SPAST: variants seen among roughly 807,000 people sequenced by gnomAD.
The protein encoded by SPAST is spastin, also known as spastic paraplegia 4 (autosomal dominant; spastin).
In SPAST, 30 loss-of-function variants were observed where a neutral mutation model predicts 76.6. That is an observed-to-expected ratio of 0.39 (90% confidence interval 0.29 to 0.53). SPAST has a LOEUF of 0.53. Among genes scored for constraint, SPAST ranks in the 20% least tolerant of loss-of-function variants. The pLI is 0.68. For missense variants in SPAST, 717 were observed against 770.5 expected (o/e 0.93, Z 0.82); for synonymous variants, 305 against 281.0 (o/e 1.09, Z -0.86).
At chr2:32,074,867 A>G (rs1676890013) in intron 1 of SPAST, among the ~76,000 whole-genome samples, 1 of 152,094 alleles carries the variant, frequency 6.6e-6, no homozygotes, top group South Asian at 2.1e-4. Flanking sequence ...TCTTATGGAA[A>G]TTGACATTTA....
rs548919210 is a variant in SPAST, at chr2:32,133,422, C to A, written c.1246-3141C>A. Among the ~76,000 whole-genome samples, 27 of 152,254 alleles carry A rather than the reference C, an allele frequency of 1.8e-4. No individual in the cohort carries two copies. In the East Asian group the frequency reaches 4.8e-3, roughly 27 times the overall value. On this transcript the variant is annotated intron_variant, in intron 9 of 16. Coordinates refer to ENST00000315285, the MANE Select transcript of SPAST (RefSeq NM_014946.4). ...CCATCTTTATCCACTCACTCCTCTC[C>A]CTCAAAACCACTAGACTACTAACAT... is the stretch of plus-strand genomic sequence containing the variant.
At chr2:32,134,043 G>C in intron 9 of SPAST, among the ~76,000 whole-genome samples, 1 of 151,954 alleles carries the variant, frequency 6.6e-6, no homozygotes, top group East Asian at 1.9e-4. Flanking sequence ...TTTATTTATT[G>C]ATTTATTTTT....
chr2:32,094,406 C>G (rs985364877), intron 3 of SPAST, among the ~76,000 whole-genome samples: 1 of 152,010 alleles, frequency 6.6e-6, no homozygotes, highest in African/African-American at 2.4e-5. Context: ...ATGGTCTCCT[C>G]TTTGAGAAGT....
At chr2:32,139,698 G>A (rs1425155010) in intron 12 of SPAST, among the ~76,000 whole-genome samples, 1 of 151,914 alleles carries the variant, frequency 6.6e-6, no homozygotes, top group African/African-American at 2.4e-5. Context: ...GCGTGGTGGT[G>A]GGCGCCTGTA....
intron 9 of SPAST, among the ~76,000 whole-genome samples, chr2:32,131,945 C>A (rs1375670470): frequency 6.6e-6 from 1 of 151,992 alleles, no homozygotes; most frequent in Non-Finnish European, 1.5e-5. Context: ...AGGCGTAAGC[C>A]ACCACACCCG....
At chr2:32,149,158 T>G (rs1679991986) in intron 16 of SPAST, among the ~76,000 whole-genome samples, 1 of 151,760 alleles carries the variant, frequency 6.6e-6, no homozygotes, top group Non-Finnish European at 1.5e-5. Flanking sequence ...GGCACCATCT[T>G]GGCTCACTGC....
chr2:32,136,778 G>T, intron 10 of SPAST, 99 bp from the exon 11 acceptor site: 1 of 1,204,038 alleles, frequency 8.3e-7, no homozygotes, highest in Non-Finnish European at 1.2e-6. Context: ...AATGAATTTA[G>T]TAGGACCCAC....
At chr2:32,087,953 G>A (rs1051335510) in intron 2 of SPAST, among the ~76,000 whole-genome samples, 39 of 151,144 alleles carry the variant, frequency 2.6e-4, no homozygotes, top group African/African-American at 6.1e-4. Context: ...GTGCAATCTC[G>A]GCTCACTGCA....
intron 3 of SPAST, among the ~76,000 whole-genome samples, chr2:32,094,824 G>A (rs1398336332): frequency 6.6e-6 from 1 of 152,148 alleles, no homozygotes; most frequent in Admixed American, 6.6e-5. Context: ...AGAAAAATTA[G>A]CTGCGTGTGG....
At chr2:32,138,395 A>G (rs1328540703) in intron 12 of SPAST, among the ~76,000 whole-genome samples, 1 of 152,034 alleles carries the variant, frequency 6.6e-6, no homozygotes, top group Non-Finnish European at 1.5e-5. Context: ...CTGGTGTGAG[A>G]TATCTCATTG....
chr2:32,066,281 T>G (rs1211815739), intron 1 of SPAST, among the ~76,000 whole-genome samples: 1 of 152,058 alleles, frequency 6.6e-6, no homozygotes, highest in Non-Finnish European at 1.5e-5. Flanking sequence ...CCCAGCAAGC[T>G]CCATTCTTTA....
intron 12 of SPAST, among the ~76,000 whole-genome samples, chr2:32,138,877 T>C (rs1462060566): frequency 6.6e-6 from 1 of 152,208 alleles, no homozygotes; most frequent in South Asian, 2.1e-4. Context: ...TTTCTACATA[T>C]GGCTAGCCAG....
intron 4 of SPAST, among the ~76,000 whole-genome samples, chr2:32,111,246 CTATATAGTG>C (rs1678581649): frequency 9.2e-6 from 1 of 108,470 alleles, no homozygotes; most frequent in Non-Finnish European, 1.9e-5. Context: ...ATACAGTATA[CTATATAGTG>C]TGTATAGCGT....
chr2:32,065,703 G>A (rs938403709), intron 1 of SPAST, among the ~76,000 whole-genome samples: 1 of 152,140 alleles, frequency 6.6e-6, no homozygotes, highest in Non-Finnish European at 1.5e-5. Context: ...CACTTGCATT[G>A]TCCATTAGTG....
At chr2:32,088,036 T>A (rs1005230274) in intron 2 of SPAST, among the ~76,000 whole-genome samples, 2 of 152,086 alleles carry the variant, frequency 1.3e-5, no homozygotes, top group African/African-American at 4.8e-5. Flanking sequence ...TACAGGTGCA[T>A]GCCACCGTGC....
At chr2:32,083,781 T>C (rs1259104456) in intron 1 of SPAST, among the ~76,000 whole-genome samples, 4 of 113,786 alleles carry the variant, frequency 3.5e-5, no homozygotes, top group Non-Finnish European at 7.2e-5. Context: ...TATATATTTT[T>C]TTTTTTTTTT....
intron 14 of SPAST, among the ~76,000 whole-genome samples, chr2:32,144,683 C>T (rs1467131685): frequency 3.3e-5 from 5 of 151,746 alleles, no homozygotes; most frequent in Admixed American, 6.6e-5. Context: ...GTCAGGAGTT[C>T]GAGACCAGCC....
chr2:32,069,546 C>G (rs1430150360), intron 1 of SPAST, among the ~76,000 whole-genome samples: 1 of 144,484 alleles, frequency 6.9e-6, no homozygotes, highest in Non-Finnish European at 1.5e-5. Context: ...GGCAACATGA[C>G]TTATCTTTTT....
At chr2:32,146,237 G>A (rs1679881067) in intron 15 of SPAST, among the ~76,000 whole-genome samples, 1 of 151,974 alleles carries the variant, frequency 6.6e-6, no homozygotes, top group African/African-American at 2.4e-5. Context: ...ACAAAATTTG[G>A]GTTTAAAAAA....
Sources: allele counts gnomAD v4.1 joint callset (sites outside exome capture counted in the v4.1 genomes callset), GRCh38; gene constraint gnomAD v4.1.1; transcripts MANE v1.5; gene names NCBI Gene and HGNC (gene_info 2026-07-23, HGNC 2026-07-21).